PTPRM: variants seen among roughly 807,000 people sequenced by gnomAD.
The protein encoded by PTPRM is protein tyrosine phosphatase receptor type M, also known as receptor-type tyrosine-protein phosphatase mu.
PTPRM carries 47 observed loss-of-function variants against 186.7 expected under a neutral mutation model. The observed-to-expected ratio is 0.25, with a 90% CI of 0.20 to 0.32. The LOEUF is 0.32. Ranked by LOEUF, PTPRM falls within the 10% of genes least tolerant of loss-of-function variation. The probability of loss-of-function intolerance (pLI) is 1.00; values close to 1 mark genes in which losing one functional copy is unlikely to be tolerated. For synonymous variants in PTPRM, 668 were observed against 674.9 expected (o/e 0.99, Z 0.16); for missense variants, 1,494 against 1,865.0 (o/e 0.80, Z 3.66).
At chr18:7,942,799 C>T (rs2052271684) in intron 5 of PTPRM, among the ~76,000 whole-genome samples, 2 of 152,100 alleles carry the variant, frequency 1.3e-5, no homozygotes, top group South Asian at 2.1e-4. Context: ...TGAGGTCTCT[C>T]TCCTCCCTTC....
intron 13 of PTPRM, among the ~76,000 whole-genome samples, chr18:8,138,113 C>G (rs1027706782): frequency 2.0e-5 from 3 of 152,078 alleles, no homozygotes; most frequent in Non-Finnish European, 2.9e-5. Flanking sequence ...TTAGAGGGAA[C>G]GTCAAGTGTC....
intron 1 of PTPRM, among the ~76,000 whole-genome samples, chr18:7,766,800 A>T (rs978894977): frequency 6.6e-6 from 1 of 152,242 alleles, no homozygotes; most frequent in African/African-American, 2.4e-5. Flanking sequence ...GCATCTGGAT[A>T]CATTTTTGAA....
chr18:7,667,330 G>A (rs951540916), intron 1 of PTPRM, among the ~76,000 whole-genome samples: 1 of 152,154 alleles, frequency 6.6e-6, no homozygotes, highest in Non-Finnish European at 1.5e-5. Flanking sequence ...AAGAGTTAAC[G>A]TATTGATGCT....
intron 7 of PTPRM, among the ~76,000 whole-genome samples, chr18:8,040,396 T>A (rs554276672): frequency 6.6e-6 from 1 of 152,278 alleles, no homozygotes; most frequent in South Asian, 2.1e-4. Flanking sequence ...ATTGGGCTCA[T>A]GGTATGGGTG....
intron 2 of PTPRM, among the ~76,000 whole-genome samples, chr18:7,787,716 T>C (rs1176321605): frequency 1.3e-5 from 2 of 152,244 alleles, no homozygotes; most frequent in Admixed American, 6.5e-5. Flanking sequence ...ACTGAGATTT[T>C]GGAGTTGTTG....
At chr18:7,629,082 G>T (rs139317545) in intron 1 of PTPRM, among the ~76,000 whole-genome samples, 8 of 152,318 alleles carry the variant, frequency 5.3e-5, no homozygotes, top group African/African-American at 1.7e-4. Context: ...GCTTCAAAAT[G>T]ATGGTACACT....
chr18:7,783,835 G>A (rs1428310597), intron 2 of PTPRM, among the ~76,000 whole-genome samples: 1 of 151,736 alleles, frequency 6.6e-6, no homozygotes, highest in Admixed American at 6.6e-5. Context: ...TTGAACTCCT[G>A]GACTCAAGCA....
rs902356427 is a variant in PTPRM, at chr18:7,773,951, G to A, written c.74-198G>A. Among the ~76,000 whole-genome samples, 4 of 152,114 alleles carry A rather than the reference G, an allele frequency of 2.6e-5. No homozygotes were observed. The East Asian group carries it at 7.7e-4, about 29-fold the overall frequency. On this transcript the variant is annotated intron_variant, in intron 1 of 32. Transcript: ENST00000580170. ...AGAGCTGCGTAATACAGTGATGTGGGTGAGGCATGGTTAATACTCAGCAGC... is the reference window on the plus strand; with the variant it reads ...AGAGCTGCGTAATACAGTGATGTGGATGAGGCATGGTTAATACTCAGCAGC...
rs747357781 is a variant in PTPRM, at chr18:8,343,412, T to C, written c.2957-11T>C. On this transcript the variant is annotated splice_polypyrimidine_tract_variant and intron_variant, in intron 22 of 32. Coordinates refer to ENST00000580170, the MANE Select transcript of PTPRM (RefSeq NM_001105244.2). ...ACAAAAACAAAAAGTTTCTGTTGTG[T>C]TTTGCTGCAGGGCCAATGCAGGAAA... 1.2e-6 allele frequency: 2 copies of C among 1,608,380 alleles called. No homozygotes were observed. Among genetic ancestry groups the C allele is most frequent in the Non-Finnish European group, 8.5e-7 (1 of 1,178,426 alleles).
intron 2 of PTPRM, among the ~76,000 whole-genome samples, chr18:7,853,945 C>T (rs1051761393): frequency 1.3e-5 from 2 of 152,142 alleles, no homozygotes; most frequent in Non-Finnish European, 1.5e-5. Flanking sequence ...CTAATGAGAG[C>T]AGGTGTTGGA....
At chr18:7,918,106 A>G (rs1049407348) in intron 4 of PTPRM, among the ~76,000 whole-genome samples, 80 of 125,958 alleles carry the variant, frequency 6.4e-4, no homozygotes, top group African/African-American at 1.9e-3. Context: ...GTGTGTGTGT[A>G]TGTGTATTAC....
intron 7 of PTPRM, among the ~76,000 whole-genome samples, chr18:8,014,998 G>T (rs557451783): frequency 4.6e-5 from 7 of 152,160 alleles, no homozygotes; most frequent in African/African-American, 1.4e-4. Flanking sequence ...GTTTGGCTGC[G>T]CCAGTAGAAC....
chr18:7,603,410 A>G (rs2037454727), intron 1 of PTPRM, among the ~76,000 whole-genome samples: 3 of 152,202 alleles, frequency 2.0e-5, no homozygotes, highest in Admixed American at 6.5e-5. Flanking sequence ...TTGGATGTTA[A>G]GCTAACGTTT....
intron 1 of PTPRM, among the ~76,000 whole-genome samples, chr18:7,699,728 T>G (rs1480738420): frequency 5.2e-4 from 8 of 15,272 alleles, no homozygotes; most frequent in Admixed American, 5.2e-3. Context: ...AACTTACAAG[T>G]TTTTTTTTTT....
chr18:8,347,659 A>G (rs542975151), intron 23 of PTPRM, among the ~76,000 whole-genome samples: 1 of 152,302 alleles, frequency 6.6e-6, no homozygotes, highest in South Asian at 2.1e-4. Flanking sequence ...GACAGCAACT[A>G]TTCCTTCTGA....
chr18:8,272,267 G>C (rs1487609884), intron 19 of PTPRM, among the ~76,000 whole-genome samples: 3 of 150,128 alleles, frequency 2.0e-5, no homozygotes, highest in Non-Finnish European at 3.0e-5. Flanking sequence ...TTTTGTGTTT[G>C]TTGATCTTTA....
chr18:7,649,689 C>T (rs186082495), intron 1 of PTPRM, among the ~76,000 whole-genome samples: 315 of 152,140 alleles, frequency 2.1e-3, no homozygotes, highest in Middle Eastern at 6.8e-3. Context: ...GGCACCACTG[C>T]ATTCCAGCCT....
intron 2 of PTPRM, among the ~76,000 whole-genome samples, chr18:7,881,681 G>A (rs1236870572): frequency 1.3e-5 from 2 of 152,134 alleles, no homozygotes; most frequent in Non-Finnish European, 1.5e-5. Context: ...CTTAGGCACT[G>A]GTGGCCCATT....
chr18:7,774,364 G>A (rs2042481343), intron 2 of PTPRM, 93 bp downstream of exon 2: 1 of 1,472,396 alleles, frequency 6.8e-7, no homozygotes, highest in Non-Finnish European at 9.3e-7. Context: ...ATGAGTGACG[G>A]TGTTGGTCTT....
Sources: allele counts gnomAD v4.1 joint callset (sites outside exome capture counted in the v4.1 genomes callset), GRCh38; gene constraint gnomAD v4.1.1; transcripts MANE v1.5; gene names NCBI Gene and HGNC (gene_info 2026-07-23, HGNC 2026-07-21).